Variants in TCERG1L observed in about 807,000 individuals in gnomAD.
The protein encoded by TCERG1L is transcription elongation regulator 1 like.
TCERG1L carries 37 observed loss-of-function variants against 56.3 expected under a neutral mutation model. The ratio of observed to expected loss-of-function variants is 0.66; its 90% confidence interval spans 0.51 to 0.87. The LOEUF (loss-of-function observed/expected upper bound fraction) is 0.87, where lower values mean the gene tolerates loss of function less well. TCERG1L is among the 40% of genes least tolerant of loss of function. The probability of loss-of-function intolerance (pLI) is 0.00; values close to 1 mark genes in which losing one functional copy is unlikely to be tolerated. For synonymous variants in TCERG1L, 324 were observed against 326.3 expected (o/e 0.99, Z 0.08); for missense variants, 799 against 774.2 (o/e 1.03, Z -0.38).
chr10:131,094,979 G>C (rs555474531), intron 11 of TCERG1L, among the ~76,000 whole-genome samples: 1 of 152,206 alleles, frequency 6.6e-6, no homozygotes, highest in African/African-American at 2.4e-5. Context: ...TCCCGCTTCC[G>C]TGGCCCCTTA....
intron 3 of TCERG1L, among the ~76,000 whole-genome samples, chr10:131,272,577 C>G (rs1181161298): frequency 6.6e-6 from 1 of 152,208 alleles, no homozygotes; most frequent in African/African-American, 2.4e-5. Context: ...CCTACCAGCC[C>G]TGTGCCTGGG....
chr10:131,216,466 A>G (rs1441512302), intron 4 of TCERG1L, among the ~76,000 whole-genome samples: 1 of 152,146 alleles, frequency 6.6e-6, no homozygotes, highest in Admixed American at 6.6e-5. Context: ...CTTTGCAGAA[A>G]ATGGGGATAG....
intron 4 of TCERG1L, among the ~76,000 whole-genome samples, chr10:131,226,610 A>C (rs1419028770): frequency 3.3e-5 from 5 of 152,240 alleles, no homozygotes; most frequent in African/African-American, 1.2e-4. Flanking sequence ...CCACTGAAGG[A>C]AGGGAGAGAC....
At chr10:131,303,945 T>C (rs779949974) in intron 3 of TCERG1L, among the ~76,000 whole-genome samples, 1 of 152,114 alleles carries the variant, frequency 6.6e-6, no homozygotes, top group Non-Finnish European at 1.5e-5. Flanking sequence ...AATCCATTTC[T>C]CAGATATGTT....
At chr10:131,147,784 C>G (rs1845815580) in intron 6 of TCERG1L, among the ~76,000 whole-genome samples, 1 of 152,264 alleles carries the variant, frequency 6.6e-6, no homozygotes, top group Non-Finnish European at 1.5e-5. Context: ...GTTGGGGGTA[C>G]TGTCGGGCAC....
At chr10:131,247,999 A>T (rs1305906862) in intron 4 of TCERG1L, among the ~76,000 whole-genome samples, 3 of 63,496 alleles carry the variant, frequency 4.7e-5, no homozygotes, top group African/African-American at 1.8e-4. Context: ...AGGTGCACAT[A>T]CACACACACA....
chr10:131,195,763 C>G (rs140647891), intron 4 of TCERG1L, among the ~76,000 whole-genome samples: 1 of 152,220 alleles, frequency 6.6e-6, no homozygotes, highest in Non-Finnish European at 1.5e-5. Context: ...GACGCCCCTG[C>G]CATGGCCGGC....
chr10:131,207,860 A>C (rs1845559730), intron 4 of TCERG1L, among the ~76,000 whole-genome samples: 1 of 152,188 alleles, frequency 6.6e-6, no homozygotes. Flanking sequence ...CATCATGGAA[A>C]GAAGAAAGAA....
chr10:131,106,883 A>G lies in TCERG1L; in HGVS notation c.1396-2529T>C, dbSNP rs186689223. ...TTTCTATCTTTAACTGTCAAATTTA[A>G]GCCTTTTCTGTAATACCCACGAGCT... On this transcript the variant is annotated intron_variant, in intron 9 of 11. Transcript: ENST00000368642. Among the ~76,000 whole-genome samples the G allele has an allele frequency of 6.2e-4, 95 of 152,354 alleles. No individual in the cohort carries two copies. In the East Asian group the frequency reaches 9.8e-3, roughly 16 times the overall value.
chr10:131,135,342 C>G (rs1455042797), intron 7 of TCERG1L, among the ~76,000 whole-genome samples: 1 of 152,132 alleles, frequency 6.6e-6, no homozygotes, highest in Non-Finnish European at 1.5e-5. Flanking sequence ...GACCGCTGAG[C>G]CTGCACCTCC....
At chr10:131,295,253 C>T (rs774717418) in intron 3 of TCERG1L, among the ~76,000 whole-genome samples, 3 of 152,198 alleles carry the variant, frequency 2.0e-5, no homozygotes, top group Non-Finnish European at 4.4e-5. Flanking sequence ...AATAAAGCTA[C>T]TACAAACGTC....
chr10:131,130,026 T>C (rs1845600958), intron 8 of TCERG1L, among the ~76,000 whole-genome samples: 1 of 144,896 alleles, frequency 6.9e-6, no homozygotes, highest in Non-Finnish European at 1.5e-5. Flanking sequence ...ACAAGTCCCC[T>C]CCCCTGACAC....
At chr10:131,116,592 A>AG (rs1490939807) in intron 9 of TCERG1L, among the ~76,000 whole-genome samples, 2 of 152,180 alleles carry the variant, frequency 1.3e-5, no homozygotes, top group Non-Finnish European at 2.9e-5. Flanking sequence ...GAACTTAGTA[A>AG]GGGGGAGGCA....
chr10:131,225,055 T>G (rs991711087), intron 4 of TCERG1L, among the ~76,000 whole-genome samples: 1 of 152,160 alleles, frequency 6.6e-6, no homozygotes, highest in Non-Finnish European at 1.5e-5. Flanking sequence ...GAGAAAGGCC[T>G]GAGTATTGTC....
intron 6 of TCERG1L, among the ~76,000 whole-genome samples, chr10:131,147,277 G>A (rs1589728217): frequency 1.3e-5 from 2 of 151,976 alleles, no homozygotes; most frequent in Non-Finnish European, 2.9e-5. Flanking sequence ...CCCTTTTTAA[G>A]CCCCTTATCT....
chr10:131,123,369 G>A (rs201953311), intron 8 of TCERG1L, among the ~76,000 whole-genome samples: 6 of 152,278 alleles, frequency 3.9e-5, no homozygotes, highest in Admixed American at 1.3e-4. Context: ...AAGGCAGGCA[G>A]GACACCCACA....
chr10:131,181,733 C>T (rs905189939), intron 4 of TCERG1L, among the ~76,000 whole-genome samples: 1 of 152,256 alleles, frequency 6.6e-6, no homozygotes, highest in African/African-American at 2.4e-5. Context: ...TGTCCCCCCT[C>T]GCCTCCTGAG....
At chr10:131,275,002 A>C (rs1310189284) in intron 3 of TCERG1L, among the ~76,000 whole-genome samples, 1 of 151,408 alleles carries the variant, frequency 6.6e-6, no homozygotes, top group Non-Finnish European at 1.5e-5. Context: ...ACTGATGCTG[A>C]CTCCTGATCC....
intron 11 of TCERG1L, among the ~76,000 whole-genome samples, chr10:131,097,219 A>T (rs957094505): frequency 2.0e-5 from 3 of 151,462 alleles, no homozygotes; most frequent in African/African-American, 7.3e-5. Flanking sequence ...AAAAAAAAAA[A>T]AAAGAAACAA....
Sources: gnomAD v4.1 joint callset for allele counts (sites outside exome capture counted in the v4.1 genomes callset) on GRCh38, gnomAD v4.1.1 for gene constraint, MANE v1.5 for transcripts, NCBI Gene and HGNC (gene_info 2026-07-23, HGNC 2026-07-21) for gene names.